The following GM2A variants were observed in gnomAD, a reference collection of about 807,000 sequenced individuals.
GM2A encodes the protein ganglioside GM2 activator, also known as GM2 ganglioside activator.
Under a neutral mutation model 12.9 loss-of-function variants are expected in GM2A, and 7 were observed. The observed-to-expected ratio is 0.54, with a 90% CI of 0.31 to 1.02. The LOEUF (loss-of-function observed/expected upper bound fraction) is 1.02. Ranked by LOEUF, GM2A falls within the 50% of genes least tolerant of loss-of-function variation. The pLI is 0.05. For synonymous variants in GM2A, 101 were observed against 96.0 expected (o/e 1.05, Z -0.30); for missense variants, 246 against 241.0 (o/e 1.02, Z -0.14).
intron 1 of GM2A, among the ~76,000 whole-genome samples, chr5:151,255,433 A>G (rs1314289449): frequency 6.6e-6 from 1 of 152,132 alleles, no homozygotes; most frequent in African/African-American, 2.4e-5. Context: ...CCATCTTGGA[A>G]GTGTTTGAGA....
intron 2 of GM2A, among the ~76,000 whole-genome samples, chr5:151,261,558 C>T (rs1331399681): frequency 6.6e-6 from 1 of 152,270 alleles, no homozygotes; most frequent in Non-Finnish European, 1.5e-5. Context: ...CCTGTCTCAG[C>T]CTCCCAAAGT....
intron 2 of GM2A, among the ~76,000 whole-genome samples, chr5:151,266,186 C>G (rs1248068021): frequency 6.6e-6 from 1 of 152,178 alleles, no homozygotes. Context: ...CTAAAGAATT[C>G]TAAGACTATG....
chr5:151,253,212 T>G lies in GM2A; in HGVS notation c.-5T>G. On this transcript the variant is annotated 5_prime_UTR_variant, in exon 1 of 4. Transcript: ENST00000357164. ...AGTTAACTCCGCCCTGACCCACCCTTCCCGATGCAGTCCCTGATGCAGGCT... is the reference window on the plus strand; with the variant it reads ...AGTTAACTCCGCCCTGACCCACCCTGCCCGATGCAGTCCCTGATGCAGGCT... 1 of 1,613,090 alleles carries G rather than the reference T, an allele frequency of 6.2e-7. No individual in the cohort carries two copies. The highest frequency in any genetic ancestry group is 8.5e-7 in the Non-Finnish European group (1 of 1,179,084).
chr5:151,267,042 G>A (rs1753900782), intron 3 of GM2A, 129 bp downstream of exon 3: 7 of 905,780 alleles, frequency 7.7e-6, no homozygotes, highest in Non-Finnish European at 8.9e-6. Flanking sequence ...TGACCTATCA[G>A]GAATCACTTA....
At chr5:151,254,062 A>G (rs1023769993) in intron 1 of GM2A, among the ~76,000 whole-genome samples, 3 of 152,184 alleles carry the variant, frequency 2.0e-5, no homozygotes, top group Non-Finnish European at 2.9e-5. Context: ...TCTGTTGTGT[A>G]TATATGCCAC....
chr5:151,263,006 A>G (rs1015892099), intron 2 of GM2A, among the ~76,000 whole-genome samples: 1 of 151,366 alleles, frequency 6.6e-6, no homozygotes, highest in Non-Finnish European at 1.5e-5. Flanking sequence ...TTGGGCCTAC[A>G]TAATCTCCTC....
rs1448447727 is a variant in GM2A, at chr5:151,270,395, T to G, written c.*2944T>G. 5.0e-6 allele frequency: 2 copies of G among 398,278 alleles called. No homozygotes were observed. Among genetic ancestry groups the G allele is most frequent in the Non-Finnish European group, 8.8e-6 (2 of 226,036 alleles). The allele number at this position is 398,278 out of a possible 1,614,324, so 24.7% of individuals were successfully genotyped here. ...AATGCTTAGTAAAAACACAATAAAA[T>G]CAAATGACTGGGAGAAAAATTTATC... is the stretch of plus-strand genomic sequence containing the variant. On this transcript the variant is annotated 3_prime_UTR_variant, in exon 4 of 4. Transcript: ENST00000357164.
At chr5:151,256,353 C>T (rs1043680239) in intron 1 of GM2A, among the ~76,000 whole-genome samples, 2 of 152,224 alleles carry the variant, frequency 1.3e-5, no homozygotes, top group Non-Finnish European at 2.9e-5. Flanking sequence ...TAATCCAGCA[C>T]TGTGGGAGAC....
intron 1 of GM2A, among the ~76,000 whole-genome samples, chr5:151,255,329 C>T (rs905454078): frequency 6.6e-6 from 1 of 152,150 alleles, no homozygotes; most frequent in Non-Finnish European, 1.5e-5. Context: ...AACAAAAACC[C>T]GATTCCATTG....
At position 151,266,997 on chromosome 5, in the gene GM2A, GC is replaced by G. The variant is rs2127240917; in HGVS notation, c.426+85del. On this transcript the variant is annotated intron_variant, in intron 3 of 3. Coordinates refer to ENST00000357164, the MANE Select transcript of GM2A (RefSeq NM_000405.5). ...AGAAGGGTCTTTGCATTCTCCTTCT[GC>G]AGATCTGCATGTCTCTGGATTTGTA... 4 of 1,102,174 alleles carry G rather than the reference GC, an allele frequency of 3.6e-6. No homozygotes were observed. The Admixed American group carries it at 5.1e-5, about 14-fold the overall frequency. The allele number at this position is 1,102,174 out of a possible 1,614,324, so 68.3% of individuals were successfully genotyped here. A position where few individuals can be genotyped will look rare whatever the true frequency, so the allele number is the denominator to read the frequency against.
chr5:151,269,347 A>G lies in GM2A; in HGVS notation c.*1896A>G. On this transcript the variant is annotated 3_prime_UTR_variant, in exon 4 of 4. Transcript: ENST00000357164. Reference sequence around the variant, plus strand: ...GGTTGGAAGGGTTTGTTGGAACGGTACAGGTGAGCCGAGGTGATTCCAGGG... The same window carrying G: ...GGTTGGAAGGGTTTGTTGGAACGGTGCAGGTGAGCCGAGGTGATTCCAGGG... 1.0e-6 allele frequency: 1 copy of G among 985,496 alleles called. No individual in the cohort carries two copies. The highest frequency in any genetic ancestry group is 4.7e-5 in the South Asian group (1 of 21,290). 61.0% of individuals were successfully genotyped at this position (985,496 alleles called of 1,614,324 possible).
In GM2A at chr5:151,259,664, C is replaced by T; in HGVS notation, c.82-91C>T. The T allele has an allele frequency of 2.4e-6, 3 of 1,268,994 alleles. No individual in the cohort carries two copies. The South Asian group carries it at 3.8e-5, about 16-fold the overall frequency. 78.6% of individuals were successfully genotyped at this position (1,268,994 alleles called of 1,614,324 possible). On this transcript the variant is annotated intron_variant, in intron 1 of 3. Transcript: ENST00000357164. ...CGGGGGTGCCTCACCCAAGGTCACT[C>T]TGCCAGGAGCTCATTTTTCCTGTGA...
chr5:151,260,381 G>A (rs1753773026), intron 2 of GM2A, among the ~76,000 whole-genome samples: 1 of 152,228 alleles, frequency 6.6e-6, no homozygotes, highest in Admixed American at 6.5e-5. Flanking sequence ...ACTTTGGGAG[G>A]CTGAGGTGGG....
At position 151,268,551 on chromosome 5, in the gene GM2A, G is replaced by T; in HGVS notation, c.*1100G>T. 1 of 985,176 alleles carries T rather than the reference G, an allele frequency of 1.0e-6. No homozygotes were observed. The highest frequency in any genetic ancestry group is 1.2e-6 in the Non-Finnish European group (1 of 829,748). The allele number at this position is 985,176 out of a possible 1,614,324, so 61.0% of individuals were successfully genotyped here. A position where few individuals can be genotyped will look rare whatever the true frequency, so the allele number is the denominator to read the frequency against. On this transcript the variant is annotated 3_prime_UTR_variant, in exon 4 of 4. Transcript: ENST00000357164. The stretch of plus-strand genomic sequence containing the variant: ...CATTGATACAAGGCTGCTGAGGCCT[G>T]GTCTCCAGTTGGAAATATAATTAAG...
At position 151,266,763 on chromosome 5, in the gene GM2A, C is replaced by T. The variant is rs1313528087; in HGVS notation, c.276C>T (p.Gly92=). The T allele has an allele frequency of 1.2e-6, 2 of 1,613,700 alleles. No homozygotes were observed. Among genetic ancestry groups the T allele is most frequent in the Non-Finnish European group, 1.7e-6 (2 of 1,179,788 alleles). The change falls in exon 3 of 4, where the codon GGC becomes GGT. Residue 92 remains glycine, a synonymous_variant. Transcript: ENST00000357164. ...TAGTTTTGGAGAAGGAGGTGGCTGGCCTCTGGATCAAGATCCCATGCACAG... is the reference window on the plus strand; with the variant it reads ...TAGTTTTGGAGAAGGAGGTGGCTGGTCTCTGGATCAAGATCCCATGCACAG... ...VDLVLEKEVA[G]LWIKIPCTDY... is the part of the protein sequence containing the mutation.
intron 1 of GM2A, among the ~76,000 whole-genome samples, chr5:151,255,878 A>G (rs1343025872): frequency 6.6e-6 from 1 of 152,098 alleles, no homozygotes; most frequent in East Asian, 1.9e-4. Flanking sequence ...AACTTGTTGT[A>G]TATGCTGTGG....
In GM2A at chr5:151,268,673, C is replaced by A; in HGVS notation, c.*1222C>A. ...ACTCCAGCCTGGTGACAGAGTGAGA[C>A]TCTGTCTCAAAAAAAAAGTTTCAAT... On this transcript the variant is annotated 3_prime_UTR_variant, in exon 4 of 4. Transcript: ENST00000357164. 3.3e-6 allele frequency: 2 copies of A among 610,830 alleles called. No homozygotes were observed. Among genetic ancestry groups the A allele is most frequent in the South Asian group, 7.5e-5 (1 of 13,366 alleles). 37.8% of individuals were successfully genotyped at this position (610,830 alleles called of 1,614,324 possible).
At chr5:151,259,306 G>A (rs906941710) in intron 1 of GM2A, among the ~76,000 whole-genome samples, 1 of 152,230 alleles carries the variant, frequency 6.6e-6, no homozygotes, top group Admixed American at 6.5e-5. Context: ...CTGGCTCTGG[G>A]TTGGGCACGG....
rs1037658502 is a variant in GM2A, at chr5:151,269,903, A to C, written c.*2452A>C. ...TGTTGTTGGTGAATTCTTTTTACCA[A>C]CCCACGAGTTGACCACTTCCCAATG... On this transcript the variant is annotated 3_prime_UTR_variant, in exon 4 of 4. Transcript: ENST00000357164. 6.4e-5 allele frequency: 64 copies of C among 995,840 alleles called. No individual in the cohort carries two copies. The highest frequency in any genetic ancestry group is 7.9e-5 in the Non-Finnish European group (63 of 794,024). The allele number at this position is 995,840 out of a possible 1,614,324, so 61.7% of individuals were successfully genotyped here. A position where few individuals can be genotyped will look rare whatever the true frequency, so the allele number is the denominator to read the frequency against.
Sources: allele counts gnomAD v4.1 joint callset (sites outside exome capture counted in the v4.1 genomes callset), GRCh38; gene constraint gnomAD v4.1.1; transcripts MANE v1.5; gene names NCBI Gene and HGNC (gene_info 2026-07-23, HGNC 2026-07-21).